ELP4: variants seen among roughly 807,000 people sequenced by gnomAD.
The protein encoded by ELP4 is elongator complex protein 4.
ELP4 carries 51 observed loss-of-function variants against 48.9 expected under a neutral mutation model. The ratio of observed to expected loss-of-function variants is 1.04; its 90% confidence interval spans 0.83 to 1.32. The LOEUF (loss-of-function observed/expected upper bound fraction) is 1.32, where lower values mean the gene tolerates loss of function less well. Among genes scored for constraint, ELP4 ranks in the 40% most tolerant of loss-of-function variants. The pLI, the probability that ELP4 is intolerant of heterozygous loss-of-function variation, is 0.00. For missense variants in ELP4, 519 were observed against 514.6 expected, an observed-to-expected ratio of 1.01 and a Z score of -0.08; for synonymous variants, 210 against 189.2, an observed-to-expected ratio of 1.11 and a Z score of -0.90.
intron 5 of ELP4, among the ~76,000 whole-genome samples, chr11:31,604,493 T>C (rs974158711): frequency 6.6e-6 from 1 of 151,884 alleles, no homozygotes; most frequent in African/African-American, 2.4e-5. Context: ...TGCCAGTACA[T>C]TATTAAGACA....
At chr11:31,742,798 G>T (rs972702651) in intron 9 of ELP4, among the ~76,000 whole-genome samples, 1 of 152,142 alleles carries the variant, frequency 6.6e-6, no homozygotes, top group Non-Finnish European at 1.5e-5. Context: ...GCAAAAACAT[G>T]CCAAATTGTA....
At chr11:31,639,330 TA>T (rs1945041419) in intron 7 of ELP4, among the ~76,000 whole-genome samples, 1 of 151,936 alleles carries the variant, frequency 6.6e-6, no homozygotes, top group African/African-American at 2.4e-5. Context: ...ACATCATATT[TA>T]TCAAATTCCA....
intron 2 of ELP4, among the ~76,000 whole-genome samples, chr11:31,535,379 G>C (rs1272508610): frequency 6.6e-6 from 1 of 152,064 alleles, no homozygotes; most frequent in Non-Finnish European, 1.5e-5. Flanking sequence ...TTCTCGTTCT[G>C]TTCCCCAGGC....
Position 31,640,265 on chromosome 11 carries a change from T to A in ELP4, c.928-7476T>A, listed in dbSNP as rs113780932. Among the ~76,000 whole-genome samples the A allele has an allele frequency of 5.6e-3, 853 of 152,070 alleles. 8 individuals are homozygous for A. The highest frequency in any genetic ancestry group is 9.8e-3 in the Non-Finnish European group (666 of 67,908). On this transcript the variant is annotated intron_variant, in intron 7 of 9. Transcript: ENST00000640961. ...TTTTTCATTTATTTTACAAATAAAA[T>A]TACTAAATTTTTTTCTTTGGCATTG...
intron 9 of ELP4, among the ~76,000 whole-genome samples, chr11:31,782,684 G>T (rs1948404294): frequency 6.6e-6 from 1 of 152,076 alleles, no homozygotes; most frequent in Non-Finnish European, 1.5e-5. Context: ...AGTTGGGATG[G>T]GCGGGGGTTG....
chr11:31,520,505 T>C (rs986194447), intron 2 of ELP4, among the ~76,000 whole-genome samples: 4 of 152,078 alleles, frequency 2.6e-5, no homozygotes, highest in Non-Finnish European at 5.9e-5. Context: ...AGTAACAAAG[T>C]AGTAAATCAT....
intron 9 of ELP4, among the ~76,000 whole-genome samples, chr11:31,733,731 C>T (rs1947245513): frequency 6.6e-6 from 1 of 152,000 alleles, no homozygotes; most frequent in South Asian, 2.1e-4. Flanking sequence ...TAAAAATCTT[C>T]CAACAAAGAA....
At chr11:31,533,815 G>GT (rs916941440) in intron 2 of ELP4, among the ~76,000 whole-genome samples, 23 of 151,416 alleles carry the variant, frequency 1.5e-4, no homozygotes, top group African/African-American at 3.4e-4. Context: ...TTAGGTAAGA[G>GT]TTTTTTTTGT....
At chr11:31,774,359 G>A (rs546399876) in intron 9 of ELP4, among the ~76,000 whole-genome samples, 2 of 152,200 alleles carry the variant, frequency 1.3e-5, no homozygotes, top group South Asian at 2.1e-4. Context: ...GGTATTTAAC[G>A]AAGGCTTAGG....
intron 7 of ELP4, chr11:31,646,756 C>T (rs2134068745): frequency 6.6e-6 from 1 of 151,498 alleles, no homozygotes; most frequent in South Asian, 2.1e-4. Flanking sequence ...ACATTTTCAG[C>T]TTATCTAGAT....
At chr11:31,595,275 A>G (rs941612004) in intron 4 of ELP4, among the ~76,000 whole-genome samples, 2 of 152,116 alleles carry the variant, frequency 1.3e-5, no homozygotes. Context: ...ACATTTTCAA[A>G]CTCATCTATC....
chr11:31,577,730 G>GA lies in ELP4; in HGVS notation c.382-17034dup, dbSNP rs571702810. On this transcript the variant is annotated intron_variant, in intron 3 of 9. Coordinates refer to ENST00000640961, the MANE Select transcript of ELP4 (RefSeq NM_019040.5). Reference sequence around the variant, plus strand: ...ATGAATAGATGCAGAAAAGGCCTCTGAAAAAATTCAACAGCTGTTCATGCT... The same window carrying GA: ...ATGAATAGATGCAGAAAAGGCCTCTGAAAAAAATTCAACAGCTGTTCATGCT... Among the ~76,000 whole-genome samples the GA allele has an allele frequency of 1.9e-4, 29 of 152,230 alleles. No homozygotes were observed. In the South Asian group the frequency reaches 5.6e-3, roughly 29 times the overall value.
chr11:31,563,045 CA>C (rs1237541287), intron 3 of ELP4, among the ~76,000 whole-genome samples: 1 of 151,652 alleles, frequency 6.6e-6, no homozygotes, highest in Non-Finnish European at 1.5e-5. Context: ...TAAAAGTTGC[CA>C]AAATAAACAC....
intron 3 of ELP4, among the ~76,000 whole-genome samples, chr11:31,543,768 A>G (rs901710466): frequency 6.6e-6 from 1 of 152,214 alleles, no homozygotes; most frequent in Non-Finnish European, 1.5e-5. Context: ...ACCAGAAAAC[A>G]AGGAGGAAGT....
intron 9 of ELP4, among the ~76,000 whole-genome samples, chr11:31,728,663 A>G (rs1240406549): frequency 1.3e-5 from 2 of 152,112 alleles, no homozygotes; most frequent in East Asian, 1.9e-4. Context: ...GCAATAGACA[A>G]CACAGCAAAC....
chr11:31,744,330 C>T (rs1458298951), intron 9 of ELP4, among the ~76,000 whole-genome samples: 1 of 152,316 alleles, frequency 6.6e-6, no homozygotes, highest in East Asian at 1.9e-4. Flanking sequence ...GGAGCTGGTA[C>T]TATTCCTTCT....
chr11:31,562,914 A>G (rs961325106), intron 3 of ELP4, among the ~76,000 whole-genome samples: 5 of 152,240 alleles, frequency 3.3e-5, no homozygotes, highest in Middle Eastern at 3.4e-3. Flanking sequence ...AAGATAATAC[A>G]GGGAATATAC....
At chr11:31,641,498 A>C (rs1945095442) in intron 7 of ELP4, among the ~76,000 whole-genome samples, 1 of 151,902 alleles carries the variant, frequency 6.6e-6, no homozygotes. Context: ...GAAACATTGG[A>C]TCTTTATATT....
chr11:31,677,569 T>TC (rs1379859013), intron 9 of ELP4, among the ~76,000 whole-genome samples: 2 of 152,106 alleles, frequency 1.3e-5, no homozygotes, highest in East Asian at 3.9e-4. Flanking sequence ...TAGAAAATAC[T>TC]CCAAGTTTTT....
Sources: gnomAD v4.1 joint callset for allele counts (sites outside exome capture counted in the v4.1 genomes callset) on GRCh38, gnomAD v4.1.1 for gene constraint, MANE v1.5 for transcripts, NCBI Gene and HGNC (gene_info 2026-07-23, HGNC 2026-07-21) for gene names.